The following PKP3 variants were observed in gnomAD, a reference collection of about 807,000 sequenced individuals.
PKP3 encodes plakophilin 3.
A neutral mutation model predicts 76.5 loss-of-function variants in PKP3; 66 were observed. The observed-to-expected ratio is 0.86, with a 90% CI of 0.71 to 1.06. PKP3 has a LOEUF of 1.06. Ranked by LOEUF, PKP3 falls within the 50% of genes least tolerant of loss-of-function variation. The pLI is 0.00. For missense variants in PKP3, 1,338 were observed against 1,141.0 expected, an observed-to-expected ratio of 1.17 and a Z score of -2.49; for synonymous variants, 638 against 516.5, an observed-to-expected ratio of 1.24 and a Z score of -3.19.
At chr11:403,551 T>G in intron 9 of PKP3, 67 bp from the exon 10 acceptor site, 1 of 1,501,272 alleles carries the variant, frequency 6.7e-7, no homozygotes, top group Non-Finnish European at 9.1e-7. Flanking sequence ...GACCCCATTG[T>G]GGCAGGACCC....
At chr11:403,493 G>T (rs1350763475) in intron 9 of PKP3, 125 bp from the exon 10 acceptor site, 7 of 996,690 alleles carry the variant, frequency 7.0e-6, no homozygotes, top group Non-Finnish European at 1.0e-5. Context: ...CGGCTGGGGG[G>T]CAAAGGCAGA....
intron 4 of PKP3, 74 bp downstream of exon 4, chr11:397,736 C>T: frequency 6.9e-7 from 1 of 1,446,904 alleles, no homozygotes; most frequent in African/African-American, 1.4e-5. Flanking sequence ...CCACTGTCCT[C>T]TGCTCACTGA....
In PKP3 at chr11:400,595, C is replaced by T. The variant is rs1330343544; in HGVS notation, c.1627C>T (p.Pro543Ser). The change falls in exon 8 of 13, where the codon CCG becomes TCG. Residue 543 changes from proline to serine, a missense_variant. Coordinates refer to ENST00000331563, the MANE Select transcript of PKP3 (RefSeq NM_007183.4). ...NLSYRLYDEM[P>S]PSALQRLEGR... ...GTCCTACCGCCTCTACGACGAGATG[C>T]CGCCGTCCGCGCTGCAGCGGCTGGA... 2.5e-5 allele frequency: 36 copies of T among 1,467,016 alleles called. No individual in the cohort carries two copies. Among genetic ancestry groups the T allele is most frequent in the Non-Finnish European group, 2.9e-5 (33 of 1,118,788 alleles). 90.9% of individuals were successfully genotyped at this position (1,467,016 alleles called of 1,614,324 possible). A position where few individuals can be genotyped will look rare whatever the true frequency, so the allele number is the denominator to read the frequency against.
In PKP3 at chr11:397,147, G is replaced by C; in HGVS notation, c.646G>C (p.Glu216Gln). 3 of 1,597,894 alleles carry C rather than the reference G, an allele frequency of 1.9e-6. No individual in the cohort carries two copies. Among genetic ancestry groups the C allele is most frequent in the Non-Finnish European group, 8.5e-7 (1 of 1,179,228 alleles). ...ATSTYRAFAY[E>Q]RQASSSSSRA... ...CTCCACCTACAGGGCCTTTGCGTACGAGCGCCAGGCCAGCTCCAGCTCCAG... is the reference window on the plus strand; with the variant it reads ...CTCCACCTACAGGGCCTTTGCGTACCAGCGCCAGGCCAGCTCCAGCTCCAG... The change falls in exon 3 of 13, where the codon GAG (glutamate) becomes CAG (glutamine). Residue 216 changes from glutamate (E) to glutamine (Q), a missense_variant. Glu to Gln is a conservative substitution (Grantham distance 29). Coordinates refer to ENST00000331563, the MANE Select transcript of PKP3 (RefSeq NM_007183.4).
At chr11:403,379 G>A (rs889850715) in intron 9 of PKP3, 116 bp downstream of exon 9, 24 of 953,914 alleles carry the variant, frequency 2.5e-5, no homozygotes, top group Non-Finnish European at 3.3e-5. Context: ...GCGGAGCCTC[G>A]GAGGTCAGCG....
intron 9 of PKP3, 52 bp from the exon 10 acceptor site, chr11:403,566 A>G: frequency 6.4e-7 from 1 of 1,561,336 alleles, no homozygotes; most frequent in Non-Finnish European, 8.7e-7. Context: ...GGACCCCCTC[A>G]GGTGAGGGTC....
At chr11:403,478 C>A in intron 9 of PKP3, 140 bp from the exon 10 acceptor site, 2 of 873,416 alleles carry the variant, frequency 2.3e-6, no homozygotes, top group Non-Finnish European at 3.5e-6. Context: ...GCGGCTGATT[C>A]CCCCCGGCTG....
rs1392227137 is a variant in PKP3 at position 403,215 on chromosome 11, G to C, written c.1875G>C (p.Thr625=). The part of the protein sequence containing the change: ...LQRCELNRHT[T]EAAAGALQNI... ...GCTGCGAGCTCAACCGGCACACGAC[G>C]GAGGCGGCCGCCGGGGCGCTGCAGA... Residue 625 remains threonine, a synonymous_variant, in exon 9 of 13, where the codon ACG becomes ACC. Coordinates refer to ENST00000331563, the MANE Select transcript of PKP3 (RefSeq NM_007183.4). 6.3e-7 allele frequency: 1 copy of C among 1,590,214 alleles called. No homozygotes were observed. The highest frequency in any genetic ancestry group is 1.4e-5 in the African/African-American group (1 of 74,068).
At position 399,041 on chromosome 11, in the gene PKP3, C is replaced by G; in HGVS notation, c.1118C>G (p.Ala373Gly). ...VPRLVKLFNH[A>G]NQEVQRHATG... Reference sequence around the variant, plus strand: ...AGGCTGGTGAAGCTCTTCAACCACGCCAACCAGGAAGTGCAGCGCCATGCC... The same window carrying G: ...AGGCTGGTGAAGCTCTTCAACCACGGCAACCAGGAAGTGCAGCGCCATGCC... The change falls in exon 5 of 13, where the codon GCC (alanine) becomes GGC (glycine). Residue 373 changes from alanine to glycine, a missense_variant. By Grantham distance (60) the Ala-to-Gly change is moderately conservative. Coordinates refer to ENST00000331563, the MANE Select transcript of PKP3 (RefSeq NM_007183.4). 1 of 1,606,352 alleles carries G rather than the reference C, an allele frequency of 6.2e-7. No individual in the cohort carries two copies. The highest frequency in any genetic ancestry group is 8.5e-7 in the Non-Finnish European group (1 of 1,175,466).
In PKP3 at chr11:404,075, G is replaced by C; in HGVS notation, c.2210G>C (p.Arg737Pro). The stretch of plus-strand genomic sequence containing the variant: ...GTGGTGGCCAGCCCCATCGCTGCCC[G>C]AGACCTGCTGTATTTTGACGGACTC... ...NLVVASPIAA[R>P]DLLYFDGLRK... Residue 737 changes from arginine (R) to proline (P), a missense_variant, in exon 11 of 13, where the codon CGA becomes CCA. Transcript: ENST00000331563. This position sits in a 1 kb window ranked among gnomAD's most constrained non-coding sequence, Gnocchi z 4.2. 1 of 1,612,476 alleles carries C rather than the reference G, an allele frequency of 6.2e-7. No individual in the cohort carries two copies. The highest frequency in any genetic ancestry group is 8.5e-7 in the Non-Finnish European group (1 of 1,179,770).
chr11:392,807 C>G, upstream of PKP3: 1 of 523,544 alleles, frequency 1.9e-6, no homozygotes, highest in Non-Finnish European at 3.3e-6. Context: ...CCCCCTTTAA[C>G]CCCCCACGCT....
chr11:397,810 A>G, intron 4 of PKP3, 148 bp downstream of exon 4: 1 of 731,732 alleles, frequency 1.4e-6, no homozygotes, highest in Non-Finnish European at 2.2e-6. Flanking sequence ...CCCTCAGCAG[A>G]GGAAGAGCAG....
Position 398,994 on chromosome 11 carries a change from C to G in PKP3, c.1071C>G (p.Ala357=), listed in dbSNP as rs1295771576. Residue 357 remains alanine (A), a splice_region_variant and synonymous_variant, in exon 5 of 13, where the codon GCC becomes GCG. Transcript: ENST00000331563. ...CYSDAAAKKQ[A]RSLQAVPRLV... ...CCCCCATATGCCTGTGCCCGCAGGC[C>G]CGCAGCCTTCAGGCCGTGCCTAGGC... The G allele has an allele frequency of 1.3e-6, 2 of 1,570,374 alleles. No homozygotes were observed. The highest frequency in any genetic ancestry group is 1.7e-4 in the Middle Eastern group (1 of 5,864).
In PKP3 at chr11:403,943, C is replaced by A; in HGVS notation, c.2078C>A (p.Ser693Tyr). 1.3e-6 allele frequency: 2 copies of A among 1,595,430 alleles called. No individual in the cohort carries two copies. The highest frequency in any genetic ancestry group is 1.7e-6 in the Non-Finnish European group (2 of 1,169,102). Reference protein sequence around the residue: ...SRNARNKDEMSTKVVSHLIEK... With the variant: ...SRNARNKDEMYTKVVSHLIEK... ...CAGACTGACCCCCGGCCTCCCACAG[C>A]CACGAAGGTGGTGAGCCACCTGATC... Residue 693 changes from serine to tyrosine, a missense_variant and splice_region_variant, in exon 11 of 13, where the codon TCC (serine) becomes TAC (tyrosine). Physicochemically the swap from Ser to Tyr is moderately radical, Grantham distance 144. Coordinates refer to ENST00000331563, the MANE Select transcript of PKP3 (RefSeq NM_007183.4).
chr11:396,324 T>G (rs1248282982), intron 1 of PKP3: 7 of 412,952 alleles, frequency 1.7e-5, no homozygotes, highest in Non-Finnish European at 2.6e-5. Flanking sequence ...GGCACATTCC[T>G]CCTGGCGACC....
chr11:400,114 T>C lies in PKP3; in HGVS notation c.1421T>C (p.Ile474Thr). ...LIQQNASEAE[I>T]FYNATGFLRN... ...CAGCAGAACGCCTCGGAGGCAGAGA[T>C]CTTCTACAACGCCACCGGCTTCCTC... Residue 474 changes from isoleucine (I) to threonine (T), a missense_variant, in exon 6 of 13, where the codon ATC becomes ACC. Coordinates refer to ENST00000331563, the MANE Select transcript of PKP3 (RefSeq NM_007183.4). 6.4e-7 allele frequency: 1 copy of C among 1,572,972 alleles called. No individual in the cohort carries two copies. The highest frequency in any genetic ancestry group is 1.2e-5 in the South Asian group (1 of 85,878).
intron 5 of PKP3, among the ~76,000 whole-genome samples, 190 bp downstream of exon 5, chr11:399,386 T>TCTGCCCCACTCCTCCAC (rs1196697592): frequency 5.5e-5 from 2 of 36,162 alleles, no homozygotes; most frequent in Non-Finnish European, 9.9e-5. Context: ...CTGCCCGCCA[T>TCTGCCCCACTCCTCCAC]CTGCCCCACT....
intron 4 of PKP3, among the ~76,000 whole-genome samples, chr11:397,972 A>C (rs1590354282): frequency 1.5e-5 from 1 of 67,064 alleles, no homozygotes; most frequent in Non-Finnish European, 2.7e-5. Context: ...CACCTCCGTC[A>C]CCTCCGTACC....
intron 7 of PKP3, 38 bp downstream of exon 7, chr11:400,489 G>A (rs1175636989): frequency 6.6e-7 from 1 of 1,514,914 alleles, no homozygotes; most frequent in East Asian, 2.5e-5. Flanking sequence ...CGTGCCCCCG[G>A]GCCGCCGCTC....
Sources: gnomAD v4.1 joint callset for allele counts (sites outside exome capture counted in the v4.1 genomes callset) on GRCh38, gnomAD v4.1.1 for gene constraint, Gnocchi (gnomAD v3.1) non-coding constraint, MANE v1.5 for transcripts, NCBI Gene and HGNC (gene_info 2026-07-23, HGNC 2026-07-21) for gene names.